The following PDE1C variants were observed in gnomAD, a reference collection of about 807,000 sequenced individuals.
The protein encoded by PDE1C is phosphodiesterase 1C.
Under a neutral mutation model 93.1 loss-of-function variants are expected in PDE1C, and 62 were observed. The observed-to-expected ratio is 0.67, with a 90% CI of 0.54 to 0.82. PDE1C has a LOEUF of 0.82. Ranked by LOEUF, PDE1C falls within the 40% of genes least tolerant of loss-of-function variation. PDE1C has a pLI of 0.00. For missense variants in PDE1C, 742 were observed against 884.6 expected (o/e 0.84, Z 2.04); for synonymous variants, 325 against 310.1 (o/e 1.05, Z -0.50).
At chr7:32,073,065 G>A (rs548800615), upstream of PDE1C, among the ~76,000 whole-genome samples, 1 of 152,172 alleles carries the variant, frequency 6.6e-6, no homozygotes, top group East Asian at 1.9e-4. Context: ...ATATACAAAG[G>A]AATATTAAGC....
rs1554335955 is a variant in PDE1C, at chr7:31,794,041, T to TAGATAGAC, written c.1891+14989_1891+14990insGTCTATCT. Among the ~76,000 whole-genome samples, 822 of 89,282 alleles carry TAGATAGAC rather than the reference T, an allele frequency of 9.2e-3. 21 individuals carry two copies. The highest frequency in any genetic ancestry group is 0.018 in the East Asian group (50 of 2,756). The allele number at this position is 89,282 out of a possible 152,430, so 58.6% of individuals were successfully genotyped here. On this transcript the variant is annotated intron_variant, in intron 16 of 17. Transcript: ENST00000396191. Reference sequence around the variant, plus strand: ...ATAGATAGATAGATAGATAGATAGATAGACAGACAGACAGACAGACAGACA... The same window carrying TAGATAGAC: ...ATAGATAGATAGATAGATAGATAGATAGATAGACAGACAGACAGACAGACAGACAGACA...
At chr7:31,863,986 A>G (rs1018069268) in intron 7 of PDE1C, among the ~76,000 whole-genome samples, 2 of 152,216 alleles carry the variant, frequency 1.3e-5, no homozygotes, top group Admixed American at 1.3e-4. Flanking sequence ...AGGAAAAGAT[A>G]ACAAATGTGC....
Position 32,051,830 on chromosome 7 carries a change from T to C in PDE1C, c.102-250A>G, listed in dbSNP as rs1237582431. 3.3e-5 allele frequency among the ~76,000 whole-genome samples: 5 copies of C among 152,318 alleles called. No individual in the cohort carries two copies. In the East Asian group the frequency reaches 5.8e-4, roughly 18 times the overall value. ...GCTCAGTGGCTCTGCTCCCATGTTC[T>C]TCCCTTTTCCTTTTGAAGGTTCCAT... On this transcript the variant is annotated intron_variant, in intron 1 of 17. Transcript: ENST00000396191.
At chr7:31,933,787 T>TC (rs1804655661) in intron 2 of PDE1C, among the ~76,000 whole-genome samples, 1 of 152,224 alleles carries the variant, frequency 6.6e-6, no homozygotes, top group African/African-American at 2.4e-5. Context: ...TGCTCATGCT[T>TC]CTGCCATGGG....
chr7:32,211,612 G>C (rs1442223225), intron 1 of PDE1C, among the ~76,000 whole-genome samples: 1 of 151,994 alleles, frequency 6.6e-6, no homozygotes, highest in Non-Finnish European at 1.5e-5. Flanking sequence ...AAAAGAGAGA[G>C]GGGAGGGAGG....
At chr7:32,147,140 C>T (rs941432672) in intron 3 of PDE1C, among the ~76,000 whole-genome samples, 5 of 150,592 alleles carry the variant, frequency 3.3e-5, no homozygotes, top group East Asian at 1.9e-4. Flanking sequence ...AATCAGCATA[C>T]GCTGACATGG....
At chr7:31,667,587 G>A in the PDE1C span, among the ~76,000 whole-genome samples, 2 of 151,994 alleles carry the variant, frequency 1.3e-5, no homozygotes, top group African/African-American at 4.8e-5. Context: ...GCTTTCATAT[G>A]GTTCACATTC....
intron 6 of PDE1C, among the ~76,000 whole-genome samples, chr7:31,866,471 C>T (rs1023874573): frequency 6.6e-6 from 1 of 152,132 alleles, no homozygotes; most frequent in Non-Finnish European, 1.5e-5. Flanking sequence ...AAGTCTCCAG[C>T]ATCCTCTCCA....
intron 2 of PDE1C, among the ~76,000 whole-genome samples, chr7:31,951,986 T>C (rs969040310): frequency 3.3e-5 from 5 of 152,178 alleles, no homozygotes; most frequent in Admixed American, 3.3e-4. Context: ...AATTTGTGAG[T>C]GCTTACTATG....
chr7:31,889,522 G>A (rs1386431663), intron 2 of PDE1C, among the ~76,000 whole-genome samples: 1 of 152,196 alleles, frequency 6.6e-6, no homozygotes, highest in Non-Finnish European at 1.5e-5. Context: ...TGTCTTGGTT[G>A]CCATGGATTT....
At chr7:31,660,147 T>C in the PDE1C span, among the ~76,000 whole-genome samples, 3 of 152,218 alleles carry the variant, frequency 2.0e-5, no homozygotes, top group Non-Finnish European at 4.4e-5. Flanking sequence ...TCTCTGGTCT[T>C]GCTGAACTGT....
intron 1 of PDE1C, among the ~76,000 whole-genome samples, chr7:32,330,165 C>G (rs1235139237): frequency 6.6e-6 from 1 of 152,250 alleles, no homozygotes; most frequent in Non-Finnish European, 1.5e-5. Flanking sequence ...GTGCTGGACA[C>G]TTCATATATC....
chr7:31,893,345 T>C (rs1798879967), intron 2 of PDE1C: 1 of 258,490 alleles, frequency 3.9e-6, no homozygotes, highest in Non-Finnish European at 6.1e-6. Context: ...GGGAGGGATC[T>C]GAACCAGTAA....
At chr7:32,005,248 A>C (rs1786037360) in intron 2 of PDE1C, among the ~76,000 whole-genome samples, 1 of 152,068 alleles carries the variant, frequency 6.6e-6, no homozygotes, top group African/African-American at 2.4e-5. Context: ...TTTCACATTC[A>C]CAACTGGATA....
intron 1 of PDE1C, among the ~76,000 whole-genome samples, chr7:32,394,584 G>C (rs557171973): frequency 6.6e-6 from 1 of 152,222 alleles, no homozygotes; most frequent in Non-Finnish European, 1.5e-5. Flanking sequence ...GATGCAGGAG[G>C]CTCACTTGAG....
intron 1 of PDE1C, among the ~76,000 whole-genome samples, chr7:32,361,179 G>T (rs6978969): frequency 2.0e-5 from 3 of 152,112 alleles, no homozygotes; most frequent in East Asian, 1.9e-4. Context: ...AGCCAACTGC[G>T]CAGGTTCTCA....
intron 2 of PDE1C, among the ~76,000 whole-genome samples, chr7:31,928,746 A>T (rs1044280230): frequency 6.6e-6 from 1 of 152,190 alleles, no homozygotes; most frequent in African/African-American, 2.4e-5. Flanking sequence ...AAGGGATTTT[A>T]TCACCACCAG....
chr7:31,929,045 A>T (rs1554416750), intron 2 of PDE1C, among the ~76,000 whole-genome samples: 1 of 152,092 alleles, frequency 6.6e-6, no homozygotes, highest in Non-Finnish European at 1.5e-5. Context: ...GACCCATCTC[A>T]TGTGCAAAGA....
chr7:31,915,488 T>A (rs1411246210), intron 2 of PDE1C, among the ~76,000 whole-genome samples: 1 of 152,182 alleles, frequency 6.6e-6, no homozygotes, highest in East Asian at 1.9e-4. Flanking sequence ...ATTGACAAAA[T>A]TGGCCTAGAC....
Sources: allele counts gnomAD v4.1 joint callset (sites outside exome capture counted in the v4.1 genomes callset), GRCh38; gene constraint gnomAD v4.1.1; transcripts MANE v1.5; gene names NCBI Gene and HGNC (gene_info 2026-07-23, HGNC 2026-07-21).